BPTF: variants seen among roughly 807,000 people sequenced by gnomAD.
BPTF encodes bromodomain PHD finger transcription factor, also known as nucleosome-remodeling factor subunit BPTF.
A neutral mutation model predicts 292.5 loss-of-function variants in BPTF; 18 were observed. That is an observed-to-expected ratio of 0.06 (90% confidence interval 0.04 to 0.09). The LOEUF (loss-of-function observed/expected upper bound fraction) is 0.09. Ranked by LOEUF, BPTF falls within the 10% of genes least tolerant of loss-of-function variation. BPTF has a pLI of 1.00. For missense variants in BPTF, 2,726 were observed against 3,498.7 expected, an observed-to-expected ratio of 0.78 and a Z score of 5.57; for synonymous variants, 1,225 against 1,251.9, an observed-to-expected ratio of 0.98 and a Z score of 0.45.
chr17:67,891,703 G>A, intron 4 of BPTF, 141 bp from the exon 5 acceptor site: 1 of 477,018 alleles, frequency 2.1e-6, no homozygotes, highest in African/African-American at 2.0e-5. Flanking sequence ...AATGATACTT[G>A]CTTTGCCATT....
intron 1 of BPTF, among the ~76,000 whole-genome samples, chr17:67,848,051 C>T (rs2058156043): frequency 6.6e-6 from 1 of 152,154 alleles, no homozygotes; most frequent in African/African-American, 2.4e-5. Flanking sequence ...CGAGTGAGGC[C>T]ACTTTCTCTC....
intron 1 of BPTF, among the ~76,000 whole-genome samples, chr17:67,844,601 A>G (rs1301485347): frequency 3.6e-5 from 5 of 139,784 alleles, no homozygotes; most frequent in Admixed American, 7.3e-5. Flanking sequence ...GAGTTTCACC[A>G]TGTTGCCCAG....
chr17:67,910,039 G>A (rs1362374492), intron 10 of BPTF, among the ~76,000 whole-genome samples: 3 of 152,080 alleles, frequency 2.0e-5, no homozygotes, highest in African/African-American at 4.8e-5. Flanking sequence ...AACCCCTCCC[G>A]AAAGTGCCAC....
chr17:67,928,329 A>G (rs2064089753), intron 15 of BPTF, 26 bp from the exon 16 acceptor site: 1 of 1,580,998 alleles, frequency 6.3e-7, no homozygotes, highest in South Asian at 1.1e-5. Flanking sequence ...ATTTTGATTC[A>G]TGTTTCCTCT....
intron 7 of BPTF, among the ~76,000 whole-genome samples, chr17:67,900,522 G>A (rs1302231151): frequency 6.6e-6 from 1 of 151,102 alleles, no homozygotes; most frequent in Non-Finnish European, 1.5e-5. Context: ...TTGAGCCCAG[G>A]AGTTCAAGAC....
intron 2 of BPTF, among the ~76,000 whole-genome samples, chr17:67,857,036 TC>T (rs1224562572): frequency 6.6e-6 from 1 of 152,154 alleles, no homozygotes; most frequent in Non-Finnish European, 1.5e-5. Flanking sequence ...TAGTTTGAGA[TC>T]AGGCTTTCTT....
rs2065766230 is a variant in BPTF, at chr17:67,945,800, A to G, written c.7092A>G (p.Gln2364=). ...CATCCCAACTGTCTCCTGGACAACA[A>G]TCCCAGGTTCAGACTACAACCTCAC... ...STPSQLSPGQ[Q]SQVQTTTSQP... is the part of the protein sequence containing the mutation. Residue 2364 remains glutamine, a synonymous_variant, in exon 21 of 28, where the codon CAA becomes CAG. Coordinates refer to ENST00000306378, the MANE Select transcript of BPTF (RefSeq NM_182641.4). 3 of 1,614,066 alleles carry G rather than the reference A, an allele frequency of 1.9e-6. No individual in the cohort carries two copies. Among genetic ancestry groups the G allele is most frequent in the African/African-American group, 1.3e-5 (1 of 74,928 alleles).
chr17:67,882,451 A>T (rs1219204115), intron 4 of BPTF, among the ~76,000 whole-genome samples: 1 of 152,226 alleles, frequency 6.6e-6, no homozygotes, highest in Non-Finnish European at 1.5e-5. Flanking sequence ...CTGTTCCCTT[A>T]CACTGAAAGC....
At chr17:67,936,860 A>T (rs184876227) in intron 18 of BPTF, among the ~76,000 whole-genome samples, 2 of 152,206 alleles carry the variant, frequency 1.3e-5, no homozygotes, top group South Asian at 4.1e-4. Context: ...CGATGAGAAA[A>T]TTGAAATTTA....
intron 18 of BPTF, among the ~76,000 whole-genome samples, chr17:67,940,218 C>G (rs781948307): frequency 2.6e-5 from 4 of 152,164 alleles, no homozygotes; most frequent in African/African-American, 9.7e-5. Context: ...ATCCTACAGA[C>G]AGCAGAGACT....
Position 67,825,901 on chromosome 17 carries a change from G to A in BPTF, c.177G>A (p.Ala59=). 9.9e-7 allele frequency: 1 copy of A among 1,014,890 alleles called. No homozygotes were observed. The allele number at this position is 1,014,890 out of a possible 1,614,324, so 62.9% of individuals were successfully genotyped here. The change falls in exon 1 of 28, where the codon GCG becomes GCA. Residue 59 remains alanine (A), a synonymous_variant. Coordinates refer to ENST00000306378, the MANE Select transcript of BPTF (RefSeq NM_182641.4). The stretch of plus-strand genomic sequence containing the variant: ...GGGCCGCCGCCCAGGCTGAGGTGGC[G>A]CCCAAGACGCGGCTGAGCTCGCCCA... ...GRWAAAQAEV[A]PKTRLSSPRG...
intron 27 of BPTF, 42 bp downstream of exon 27, chr17:67,976,000 C>G (rs781958213): frequency 6.7e-7 from 1 of 1,500,568 alleles, no homozygotes; most frequent in African/African-American, 1.4e-5. Context: ...TTCAACTCTT[C>G]ACACTCTTTA....
Position 67,942,562 on chromosome 17 carries a change from C to T in BPTF, c.6478-1588C>T, listed in dbSNP as rs1451285021. Among the ~76,000 whole-genome samples, 6 of 152,258 alleles carry T rather than the reference C, an allele frequency of 3.9e-5. No homozygotes were observed. In the East Asian group the frequency reaches 9.6e-4, roughly 24 times the overall value. On this transcript the variant is annotated intron_variant, in intron 19 of 27. Coordinates refer to ENST00000306378, the MANE Select transcript of BPTF (RefSeq NM_182641.4). ...TCGGTTCAGCCATTTTGGAAACTTC[C>T]TGGACATGGTCTGGTAAAGTCAAAG...
At position 67,959,504 on chromosome 17, in the gene BPTF, C is replaced by CT. The variant is rs781895947; in HGVS notation, c.7927-36dup. ...GGCCAGATCACACATTTACATGACT[C>CT]TAATGATAGTCTTGTATTGTCTTTA... On this transcript the variant is annotated intron_variant, in intron 23 of 27. Transcript: ENST00000306378. 4.3e-5 allele frequency: 63 copies of CT among 1,452,932 alleles called. No individual in the cohort carries two copies. In the East Asian group the frequency reaches 1.4e-3, roughly 32 times the overall value. The allele number at this position is 1,452,932 out of a possible 1,614,324, so 90.0% of individuals were successfully genotyped here.
At chr17:67,909,560 A>G (rs2062506828) in intron 9 of BPTF, 22 bp from the exon 10 acceptor site, 2 of 1,472,066 alleles carry the variant, frequency 1.4e-6, no homozygotes, top group Non-Finnish European at 1.8e-6. Context: ...AACGTAAATT[A>G]TCGTTACATG....
intron 23 of BPTF, chr17:67,956,193 C>T (rs1357775748): frequency 1.3e-5 from 2 of 151,510 alleles, no homozygotes; most frequent in Non-Finnish European, 2.9e-5. Flanking sequence ...ATGGCGGGCG[C>T]CTGTAGTCCC....
rs1223881213 is a variant in BPTF at position 67,854,431 on chromosome 17, G to A, written c.1105G>A (p.Asp369Asn). Reference protein sequence around the residue: ...NKIKVLQFLVDQFLTTNIARE... With the variant: ...NKIKVLQFLVNQFLTTNIARE... ...GATCAAAGTTCTACAGTTTCTAGTC[G>A]ATCAGTTTCTTACAACAAATATTGC... The change falls in exon 2 of 28, where the codon GAT becomes AAT. Residue 369 changes from aspartate to asparagine, a missense_variant. Asp to Asn is a conservative substitution (Grantham distance 23, BLOSUM62 1). Around this residue, in one of 22 missense-constraint regions of BPTF, gnomAD observed 102 missense variants for 212.6 expected, o/e 0.48. Coordinates refer to ENST00000306378, the MANE Select transcript of BPTF (RefSeq NM_182641.4). This position sits in a 1 kb window ranked among gnomAD's most constrained non-coding sequence, Gnocchi z 5.6. 12 of 1,614,014 alleles carry A rather than the reference G, an allele frequency of 7.4e-6. No individual in the cohort carries two copies. The highest frequency in any genetic ancestry group is 9.3e-6 in the Non-Finnish European group (11 of 1,180,014).
Position 67,929,281 on chromosome 17 carries a change from G to A in BPTF, c.5999-55G>A, listed in dbSNP as rs1012782995. The A allele has an allele frequency of 2.5e-4, 408 of 1,601,880 alleles. 3 individuals are homozygous for A. The highest frequency in any genetic ancestry group is 2.5e-4 in the Admixed American group (15 of 59,326). On this transcript the variant is annotated intron_variant, in intron 16 of 27. Coordinates refer to ENST00000306378, the MANE Select transcript of BPTF (RefSeq NM_182641.4). ...TTTCTCCTCAGCAACCGAGCACCAC[G>A]TAATGCTTTCCAATAAAGTGATAGT...
In BPTF at chr17:67,913,444, A is replaced by G. The variant is rs532522505; in HGVS notation, c.5303+257A>G. 2.6e-5 allele frequency among the ~76,000 whole-genome samples: 4 copies of G among 152,338 alleles called. No individual in the cohort carries two copies. The South Asian group carries it at 6.2e-4, about 24-fold the overall frequency. On this transcript the variant is annotated intron_variant, in intron 11 of 27. Coordinates refer to ENST00000306378, the MANE Select transcript of BPTF (RefSeq NM_182641.4). ...AAAATGAAATTCAGTTTTAACTTTC[A>G]TAAGACAAAAGGAACATGTCAGATG...
Sources: gnomAD v4.1 joint callset for allele counts (sites outside exome capture counted in the v4.1 genomes callset) on GRCh38, gnomAD v4.1.1 for gene constraint, gnomAD v4.1.1 regional missense constraint, Gnocchi (gnomAD v3.1) non-coding constraint, MANE v1.5 for transcripts, NCBI Gene and HGNC (gene_info 2026-07-23, HGNC 2026-07-21) for gene names.